Variants in OVCH1 observed in about 807,000 individuals in gnomAD.
OVCH1 encodes the protein ovochymase 1.
A neutral mutation model predicts 138.4 loss-of-function variants in OVCH1; 139 were observed. The observed-to-expected ratio is 1.00, with a 90% CI of 0.87 to 1.16. The LOEUF (loss-of-function observed/expected upper bound fraction) is 1.16, where lower values mean the gene tolerates loss of function less well. OVCH1 is among the 50% of genes most tolerant of loss of function. OVCH1 has a pLI of 0.00. For missense variants in OVCH1, 1,367 were observed against 1,357.9 expected (o/e 1.01, Z -0.11); for synonymous variants, 453 against 467.8 (o/e 0.97, Z 0.41).
chr12:29,404,283 C>T, the OVCH1 span, among the ~76,000 whole-genome samples: 1 of 152,194 alleles, frequency 6.6e-6, no homozygotes, highest in Admixed American at 6.5e-5. Flanking sequence ...ACAATGTCAA[C>T]AAGCTTGTAC....
At chr12:29,421,160 C>T (rs1300452699) in intron 3 of OVCH1, among the ~76,000 whole-genome samples, 2 of 152,222 alleles carry the variant, frequency 1.3e-5, no homozygotes, top group Non-Finnish European at 2.9e-5. Flanking sequence ...AGATGCAGCA[C>T]AGCTACCAAC....
chr12:29,477,663 A>G, intron 9 of OVCH1, 185 bp from the exon 11 acceptor site: 1 of 1,491,240 alleles, frequency 6.7e-7, no homozygotes, highest in Non-Finnish European at 9.2e-7. Flanking sequence ...CTCCTTCTCA[A>G]CCCCCCAGTC....
rs745567064 is a variant in OVCH1 at position 29,473,110 on chromosome 12, A to C, written c.1601-7T>G. The stretch of plus-strand genomic sequence containing the variant: ...TCAAATTTGTTTAAAGACTCTGTAG[A>C]AGAAAAAAAAATTAATTGAAAGTAA... On this transcript the variant is annotated splice_polypyrimidine_tract_variant and splice_region_variant and intron_variant, in intron 14 of 27. Coordinates refer to ENST00000318184, the Ensembl canonical transcript of OVCH1. The C allele has an allele frequency of 2.5e-6, 4 of 1,574,898 alleles. No individual in the cohort carries two copies. Among genetic ancestry groups the C allele is most frequent in the African/African-American group, 1.5e-5 (1 of 68,736 alleles).
At chr12:29,441,817 G>A (rs1941492624) in intron 25 of OVCH1, among the ~76,000 whole-genome samples, 1 of 152,094 alleles carries the variant, frequency 6.6e-6, no homozygotes, top group African/African-American at 2.4e-5. Context: ...CAAAGGACAT[G>A]AACAGACACT....
At chr12:29,433,021 G>A (rs1941296543) in intron 27 of OVCH1, among the ~76,000 whole-genome samples, 2 of 152,198 alleles carry the variant, frequency 1.3e-5, no homozygotes, top group Admixed American at 6.5e-5. Context: ...AGGGGAGACA[G>A]TGAGTATAAA....
intron 5 of OVCH1, among the ~76,000 whole-genome samples, 172 bp from the exon 6 acceptor site, chr12:29,489,943 T>A (rs1943229918): frequency 6.6e-6 from 1 of 152,186 alleles, no homozygotes; most frequent in Non-Finnish European, 1.5e-5. Context: ...GCAGAGGACA[T>A]TTTTTGAAAA....
rs1941643785 is a variant in OVCH1, at chr12:29,447,267, G to A, written c.2756-1864C>T. 2.0e-5 allele frequency among the ~76,000 whole-genome samples: 3 copies of A among 151,928 alleles called. 1 individual carries two copies. Among genetic ancestry groups the A allele is most frequent in the Admixed American group, 2.0e-4 (3 of 15,224 alleles). The stretch of plus-strand genomic sequence containing the variant: ...GCCCAGGAGTTTGAGACCAGCCTGG[G>A]CAAAATAGGGAGACACAGTCTTAAA... On this transcript the variant is annotated intron_variant, in intron 22 of 27. Coordinates refer to ENST00000318184, the Ensembl canonical transcript of OVCH1.
At chr12:29,450,863 A>C (rs1293663109) in intron 22 of OVCH1, among the ~76,000 whole-genome samples, 2 of 152,082 alleles carry the variant, frequency 1.3e-5, no homozygotes, top group African/African-American at 4.8e-5. Flanking sequence ...TATGTCCTTT[A>C]CAGGGACATG....
chr12:29,471,773 T>A, intron 16 of OVCH1, 29 bp downstream of exon 16: 1 of 1,582,210 alleles, frequency 6.3e-7, no homozygotes, highest in Non-Finnish European at 8.6e-7. Flanking sequence ...ATGTGCTAAA[T>A]AGGTTGGTAA....
At chr12:29,486,206 C>T (rs1292735654) in intron 8 of OVCH1, 44 bp downstream of exon 8, 1 of 1,540,688 alleles carries the variant, frequency 6.5e-7, no homozygotes, top group South Asian at 1.1e-5. Flanking sequence ...CCTCTGATGA[C>T]TTTCTTCAAG....
At chr12:29,413,047 A>AGAT (rs2135871557) in intron 3 of OVCH1, among the ~76,000 whole-genome samples, 1 of 146,680 alleles carries the variant, frequency 6.8e-6, no homozygotes, top group East Asian at 2.0e-4. Flanking sequence ...TTTCTTTTGG[A>AGAT]GATGAGATCT....
chr12:29,478,780 T>C, intron 9 of OVCH1, 55 bp downstream of exon 10: 1 of 1,282,792 alleles, frequency 7.8e-7, no homozygotes, highest in Non-Finnish European at 1.0e-6. Context: ...TTAGCATCTC[T>C]TTGGTCTTTC....
chr12:29,479,388 G>A (rs1217418423), intron 8 of OVCH1, among the ~76,000 whole-genome samples: 1 of 152,162 alleles, frequency 6.6e-6, no homozygotes, highest in African/African-American at 2.4e-5. Context: ...GTCATCCTAA[G>A]TCACAGTCTC....
intron 3 of OVCH1, among the ~76,000 whole-genome samples, chr12:29,421,170 C>T (rs34137040): frequency 0.17 from 26,275 of 152,206 alleles, 2,534 homozygotes; most frequent in African/African-American, 0.27. Context: ...CAGCTACCAA[C>T]CAACCTAGGC....
intron 26 of OVCH1, among the ~76,000 whole-genome samples, chr12:29,434,231 A>G (rs570942216): frequency 6.6e-6 from 1 of 152,170 alleles, no homozygotes; most frequent in Non-Finnish European, 1.5e-5. Context: ...CCAAAAGAGA[A>G]AAGCTACTTG....
intron 16 of OVCH1, among the ~76,000 whole-genome samples, chr12:29,466,365 T>C (rs1412997326): frequency 6.6e-6 from 1 of 151,980 alleles, no homozygotes; most frequent in Non-Finnish European, 1.5e-5. Flanking sequence ...TAAAAATCTT[T>C]GCAAGAAAAA....
downstream of OVCH1, among the ~76,000 whole-genome samples, chr12:29,411,398 GT>G (rs939089584): frequency 1.5e-4 from 23 of 151,550 alleles, no homozygotes; most frequent in Non-Finnish European, 3.1e-4. Flanking sequence ...AGAGTTTCCA[GT>G]TTTTCTGCTC....
intron 15 of OVCH1, among the ~76,000 whole-genome samples, chr12:29,472,673 A>G (rs1046012570): frequency 6.6e-6 from 1 of 152,234 alleles, no homozygotes; most frequent in African/African-American, 2.4e-5. Flanking sequence ...CTTAGAGCAT[A>G]AGGAAATTAA....
downstream of OVCH1, among the ~76,000 whole-genome samples, chr12:29,426,858 C>A (rs1311461915): frequency 6.6e-6 from 1 of 152,340 alleles, no homozygotes; most frequent in Admixed American, 6.5e-5. Context: ...ATATGGTAGT[C>A]ACTCGCTACA....
Sources: allele counts gnomAD v4.1 joint callset (sites outside exome capture counted in the v4.1 genomes callset), GRCh38; gene constraint gnomAD v4.1.1; transcripts MANE v1.5; gene names NCBI Gene and HGNC (gene_info 2026-07-23, HGNC 2026-07-21).